The following SLC35D4 variants were observed in gnomAD, a reference collection of about 807,000 sequenced individuals.
SLC35D4 encodes the protein UDP-N-acetylglucosamine transporter SLC35D4.
At chr18:23,345,896 AT>A in the SLC35D4 span, among the ~76,000 whole-genome samples, 1 of 151,966 alleles carries the variant, frequency 6.6e-6, no homozygotes, top group Non-Finnish European at 1.5e-5. Flanking sequence ...GTTCCAAAGT[AT>A]TTTTTCCTTT....
the SLC35D4 span, chr18:23,370,333 C>G: frequency 1.1e-5 from 16 of 1,480,796 alleles, no homozygotes; most frequent in South Asian, 1.6e-4. Context: ...TCCGGGGACA[C>G]ACAAAATCCA....
chr18:23,275,016 T>TGTGAGTGTGCGTATGC, the SLC35D4 span, among the ~76,000 whole-genome samples: 3 of 149,216 alleles, frequency 2.0e-5, no homozygotes, highest in Admixed American at 1.3e-4. Context: ...TGTATGTGTG[T>TGTGAGTGTGCGTATGC]GCTTGTGTGT....
chr18:23,298,282 G>A, the SLC35D4 span, among the ~76,000 whole-genome samples: 4 of 152,178 alleles, frequency 2.6e-5, no homozygotes, highest in African/African-American at 4.8e-5. Flanking sequence ...GCAGGGAGGC[G>A]GGCTCGATAC....
chr18:23,381,570 T>TAAC, the SLC35D4 span, among the ~76,000 whole-genome samples: 1 of 152,010 alleles, frequency 6.6e-6, no homozygotes, highest in African/African-American at 2.4e-5. Context: ...AGGTTTGTTT[T>TAAC]AATAACAACA....
At chr18:23,312,613 G>C in the SLC35D4 span, among the ~76,000 whole-genome samples, 1 of 152,120 alleles carries the variant, frequency 6.6e-6, no homozygotes, top group Non-Finnish European at 1.5e-5. Flanking sequence ...AATCTATTCG[G>C]TACAGGCAAG....
At chr18:23,387,598 T>C in the SLC35D4 span, among the ~76,000 whole-genome samples, 2 of 152,240 alleles carry the variant, frequency 1.3e-5, no homozygotes, top group African/African-American at 4.8e-5. Context: ...ATTTATTCTT[T>C]ATCTTTACGG....
chr18:23,240,749 C>G, the SLC35D4 span, among the ~76,000 whole-genome samples: 1 of 152,208 alleles, frequency 6.6e-6, no homozygotes, highest in African/African-American at 2.4e-5. Context: ...TGTGGCCAGC[C>G]CAGCAGAGGC....
the SLC35D4 span, among the ~76,000 whole-genome samples, chr18:23,275,886 G>C: frequency 6.6e-6 from 1 of 152,190 alleles, no homozygotes; most frequent in Non-Finnish European, 1.5e-5. Flanking sequence ...GAGGTTTCTG[G>C]AATAGGCAAA....
the SLC35D4 span, among the ~76,000 whole-genome samples, chr18:23,424,086 GT>G: frequency 6.6e-6 from 1 of 152,188 alleles, no homozygotes; most frequent in Non-Finnish European, 1.5e-5. Context: ...AAAGAAGTAA[GT>G]TAGGAGTTTT....
chr18:23,309,017 T>A, the SLC35D4 span, among the ~76,000 whole-genome samples: 9 of 152,118 alleles, frequency 5.9e-5, no homozygotes, highest in Admixed American at 1.3e-4. Context: ...TCCTCCTGTA[T>A]ATTTTAAATC....
the SLC35D4 span, among the ~76,000 whole-genome samples, chr18:23,334,496 G>T: frequency 9.9e-5 from 15 of 152,144 alleles, no homozygotes; most frequent in Admixed American, 8.5e-4. Flanking sequence ...GTGATACAAA[G>T]CAATTAGCTG....
At chr18:23,405,139 T>C in the SLC35D4 span, among the ~76,000 whole-genome samples, 1 of 151,758 alleles carries the variant, frequency 6.6e-6, no homozygotes, top group African/African-American at 2.4e-5. Flanking sequence ...AGTGCCCTCA[T>C]CTTGGACTTC....
the SLC35D4 span, among the ~76,000 whole-genome samples, chr18:23,379,229 T>C: frequency 6.6e-6 from 1 of 151,864 alleles, no homozygotes; most frequent in Non-Finnish European, 1.5e-5. Context: ...GTTCAAGCGA[T>C]TCTCCTGTCT....
At chr18:23,301,031 C>T in the SLC35D4 span, among the ~76,000 whole-genome samples, 21 of 152,338 alleles carry the variant, frequency 1.4e-4, no homozygotes, top group Non-Finnish European at 2.6e-4. Context: ...CAATAAATAC[C>T]GATTCAATGA....
the SLC35D4 span, among the ~76,000 whole-genome samples, chr18:23,424,680 A>G: frequency 1.3e-5 from 2 of 152,202 alleles, no homozygotes; most frequent in African/African-American, 4.8e-5. Context: ...TTTATTGACT[A>G]AAATACCCGT....
At chr18:23,424,757 G>A in the SLC35D4 span, among the ~76,000 whole-genome samples, 3 of 152,098 alleles carry the variant, frequency 2.0e-5, no homozygotes, top group South Asian at 6.2e-4. Context: ...CTGTAATCCT[G>A]GGAGGATCGC....
chr18:23,369,311 TTCTCTTTAGGCCTTC>T, the SLC35D4 span, among the ~76,000 whole-genome samples: 3 of 152,180 alleles, frequency 2.0e-5, no homozygotes, highest in African/African-American at 7.2e-5. Flanking sequence ...TTCAGACCTT[TTCTCTTTAGGCCTTC>T]AGCAGGCCCC....
the SLC35D4 span, among the ~76,000 whole-genome samples, chr18:23,316,388 T>C: frequency 2.0e-5 from 3 of 152,192 alleles, no homozygotes; most frequent in African/African-American, 7.2e-5. Flanking sequence ...CTAGAACCCA[T>C]AGAACTATTC....
the SLC35D4 span, among the ~76,000 whole-genome samples, chr18:23,414,758 C>G: frequency 6.6e-6 from 1 of 152,006 alleles, no homozygotes; most frequent in African/African-American, 2.4e-5. Context: ...GGAGGATCAC[C>G]TGAGCCCAGG....
Sources: gnomAD v4.1 joint callset for allele counts (sites outside exome capture counted in the v4.1 genomes callset) on GRCh38, gnomAD v4.1.1 for gene constraint, MANE v1.5 for transcripts, NCBI Gene and HGNC (gene_info 2026-07-23, HGNC 2026-07-21) for gene names.